The following SAFB variants were observed in gnomAD, a reference collection of about 807,000 sequenced individuals.
SAFB encodes the protein scaffold attachment factor B, also known as scaffold attachment factor B1.
Under a neutral mutation model 101.6 loss-of-function variants are expected in SAFB, and 15 were observed. The ratio of observed to expected loss-of-function variants is 0.15; its 90% CI spans 0.10 to 0.23. SAFB has a LOEUF of 0.23. Among genes scored for constraint, SAFB ranks in the 10% least tolerant of loss-of-function variants. The pLI is 1.00. For synonymous variants in SAFB, 449 were observed against 407.5 expected, an observed-to-expected ratio of 1.10 and a Z score of -1.23; for missense variants, 930 against 1,104.1, an observed-to-expected ratio of 0.84 and a Z score of 2.23.
chr19:5,641,545 G>T, intron 2 of SAFB, 49 bp from the exon 3 acceptor site: 1 of 1,511,796 alleles, frequency 6.6e-7, no homozygotes. Flanking sequence ...TGTTGCTTCT[G>T]TAAAGTGCGT....
chr19:5,650,505 G>C (rs540565096), intron 8 of SAFB, among the ~76,000 whole-genome samples: 2 of 152,060 alleles, frequency 1.3e-5, no homozygotes, highest in Admixed American at 6.6e-5. Flanking sequence ...TCTGACTCCC[G>C]GGTTCTAGAG....
At chr19:5,660,096 G>A (rs2054160866) in intron 14 of SAFB, among the ~76,000 whole-genome samples, 1 of 152,156 alleles carries the variant, frequency 6.6e-6, no homozygotes, top group African/African-American at 2.4e-5. Flanking sequence ...ATACATTTCT[G>A]CTGGGACAGA....
chr19:5,651,968 G>A (rs1280394324), intron 9 of SAFB, among the ~76,000 whole-genome samples: 1 of 152,204 alleles, frequency 6.6e-6, no homozygotes, highest in South Asian at 2.1e-4. Context: ...GGCCGAGGTG[G>A]GTGGATCACG....
intron 2 of SAFB, among the ~76,000 whole-genome samples, chr19:5,631,151 C>T (rs1007918170): frequency 1.3e-5 from 2 of 152,160 alleles, no homozygotes; most frequent in African/African-American, 4.8e-5. Context: ...GATCATGCTG[C>T]TGCACTCCAG....
At chr19:5,651,118 T>TG (rs1334329097) in intron 9 of SAFB, 46 bp downstream of exon 9, 1 of 1,265,760 alleles carries the variant, frequency 7.9e-7, no homozygotes, top group African/African-American at 1.5e-5. Flanking sequence ...AAACCAGCGT[T>TG]GTGTGGCCTT....
chr19:5,632,202 C>T (rs1331114831), intron 2 of SAFB, among the ~76,000 whole-genome samples: 1 of 152,182 alleles, frequency 6.6e-6, no homozygotes, highest in Non-Finnish European at 1.5e-5. Flanking sequence ...CAATCCTTTG[C>T]TGCTGGCTTG....
chr19:5,645,290 C>A (rs778883634), intron 4 of SAFB, 47 bp from the exon 5 acceptor site: 1 of 803,378 alleles, frequency 1.2e-6, no homozygotes, highest in Non-Finnish European at 2.2e-6. Context: ...CATTATGTTA[C>A]GTTATTGTTG....
At chr19:5,644,473 T>C (rs867734773) in intron 4 of SAFB, among the ~76,000 whole-genome samples, 11 of 152,352 alleles carry the variant, frequency 7.2e-5, no homozygotes, top group Middle Eastern at 6.8e-3. Context: ...AGATGGTCTT[T>C]GGCACTTAAA....
intron 4 of SAFB, among the ~76,000 whole-genome samples, chr19:5,643,909 C>T (rs975221830): frequency 1.6e-4 from 25 of 151,766 alleles, no homozygotes; most frequent in Non-Finnish European, 3.2e-4. Context: ...GGATCAATTT[C>T]TGTGTGTCCC....
intron 11 of SAFB, 33 bp downstream of exon 11, chr19:5,653,453 A>T: frequency 6.3e-7 from 1 of 1,594,256 alleles, no homozygotes; most frequent in Non-Finnish European, 8.6e-7. Context: ...TTAAAGGGGC[A>T]GGGTGTTTTT....
At chr19:5,647,959 A>G (rs16993079) in intron 5 of SAFB, 57 bp from the exon 6 acceptor site, 39,416 of 1,478,866 alleles carry the variant, frequency 0.027, 1,182 homozygotes, top group African/African-American at 0.14. Flanking sequence ...GTTTTCATTT[A>G]AATAAACTGT....
intron 17 of SAFB, 162 bp from the exon 18 acceptor site, chr19:5,666,884 A>G: frequency 1.4e-6 from 1 of 723,592 alleles, no homozygotes; most frequent in Non-Finnish European, 2.5e-6. Context: ...TCTGGCCTGC[A>G]GATTTCAGGA....
At chr19:5,665,880 C>G (rs1483024341) in intron 17 of SAFB, 1 of 152,134 alleles carries the variant, frequency 6.6e-6, no homozygotes, top group African/African-American at 2.4e-5. Context: ...TTCAGGAGTC[C>G]CTTTTCTTAC....
At chr19:5,637,514 A>G (rs1385903229) in intron 2 of SAFB, among the ~76,000 whole-genome samples, 1 of 150,924 alleles carries the variant, frequency 6.6e-6, no homozygotes, top group African/African-American at 2.4e-5. Flanking sequence ...AAATTAGCCA[A>G]GCATGGTGGC....
At chr19:5,642,144 C>T (rs773651179) in intron 4 of SAFB, 198 bp downstream of exon 4, 2 of 657,972 alleles carry the variant, frequency 3.0e-6, no homozygotes, top group Admixed American at 4.2e-5. Flanking sequence ...TATGTACTTG[C>T]TATCCATTTG....
intron 4 of SAFB, 62 bp from the exon 5 acceptor site, chr19:5,645,275 T>G: frequency 2.6e-6 from 2 of 757,824 alleles, no homozygotes; most frequent in South Asian, 2.9e-5. Flanking sequence ...ATTGTACAGA[T>G]GTACCATTAT....
At chr19:5,633,607 A>G (rs947450382) in intron 2 of SAFB, among the ~76,000 whole-genome samples, 1 of 151,988 alleles carries the variant, frequency 6.6e-6, no homozygotes, top group Non-Finnish European at 1.5e-5. Context: ...GTGAAACCCC[A>G]TCTCTACTAA....
intron 4 of SAFB, chr19:5,642,172 C>A: frequency 1.7e-6 from 1 of 587,840 alleles, no homozygotes. Context: ...CAGTATGAGA[C>A]ATTTTGAGGA....
At position 5,654,126 on chromosome 19, in the gene SAFB, G is replaced by A. The variant is rs1213170483; in HGVS notation, c.1592G>A (p.Gly531Glu). The A allele has an allele frequency of 2.5e-6, 4 of 1,614,184 alleles. No individual in the cohort carries two copies. Among genetic ancestry groups the A allele is most frequent in the Non-Finnish European group, 3.4e-6 (4 of 1,179,996 alleles). The change falls in exon 12 of 21, where the codon GGA becomes GAA. Residue 531 changes from glycine (G) to glutamate (E), a missense_variant. Transcript: ENST00000588852. ...RKDDAKKGDD[G>E]SGEKSKDQDD... ...GATGATGCTAAGAAGGGTGACGACG[G>A]AAGTGGAGAAAAGAGTAAGGACCAA... is the stretch of plus-strand genomic sequence containing the variant.
Sources: allele counts gnomAD v4.1 joint callset (sites outside exome capture counted in the v4.1 genomes callset), GRCh38; gene constraint gnomAD v4.1.1; transcripts MANE v1.5; gene names NCBI Gene and HGNC (gene_info 2026-07-23, HGNC 2026-07-21).